The following LRFN5 variants were observed in gnomAD, a reference collection of about 807,000 sequenced individuals.
The protein encoded by LRFN5 is leucine-rich repeat and fibronectin type-III domain-containing protein 5.
In LRFN5, 24 loss-of-function variants were observed where a neutral mutation model predicts 45.6. The ratio of observed to expected loss-of-function variants is 0.53; its 90% CI spans 0.38 to 0.74. LRFN5 has a LOEUF of 0.74. Ranked by LOEUF, LRFN5 falls within the 30% of genes least tolerant of loss-of-function variation. The pLI is 0.00. For missense variants in LRFN5, 776 were observed against 861.5 expected (o/e 0.90, Z 1.24); for synonymous variants, 340 against 313.8 (o/e 1.08, Z -0.88).
intron 1 of LRFN5, among the ~76,000 whole-genome samples, chr14:41,663,181 A>G (rs1300336177): frequency 6.6e-6 from 1 of 152,134 alleles, no homozygotes; most frequent in South Asian, 2.1e-4. Flanking sequence ...TGTTAGGCCA[A>G]GGGGCGTAGC....
At chr14:41,713,689 T>G (rs1403002010) in intron 1 of LRFN5, among the ~76,000 whole-genome samples, 2 of 152,138 alleles carry the variant, frequency 1.3e-5, no homozygotes, top group Admixed American at 6.6e-5. Flanking sequence ...CCATTTCAAA[T>G]ATACCATATT....
At chr14:41,896,346 GA>G (rs1168536820) in intron 4 of LRFN5, among the ~76,000 whole-genome samples, 2 of 152,142 alleles carry the variant, frequency 1.3e-5, no homozygotes, top group African/African-American at 4.8e-5. Context: ...TAGACAGAAT[GA>G]AGACTATCTA....
At chr14:41,735,879 G>C (rs577057929) in intron 1 of LRFN5, among the ~76,000 whole-genome samples, 21 of 152,102 alleles carry the variant, frequency 1.4e-4, no homozygotes, top group Middle Eastern at 3.4e-3. Context: ...TCCTGTGTTA[G>C]TTTGCTGAGA....
At chr14:41,867,353 T>A (rs1032977816) in intron 2 of LRFN5, among the ~76,000 whole-genome samples, 7 of 121,462 alleles carry the variant, frequency 5.8e-5, no homozygotes, top group African/African-American at 2.0e-4. Context: ...TGCACACATC[T>A]GTGTGTGTGT....
intron 1 of LRFN5, among the ~76,000 whole-genome samples, chr14:41,681,028 G>A (rs1881860712): frequency 6.6e-6 from 1 of 151,912 alleles, no homozygotes. Flanking sequence ...AGTAGAAGAA[G>A]GGATTAGCGA....
intron 1 of LRFN5, among the ~76,000 whole-genome samples, chr14:41,613,630 T>C (rs1396749128): frequency 1.3e-5 from 2 of 151,914 alleles, no homozygotes; most frequent in African/African-American, 4.8e-5. Context: ...TTTTAGATTT[T>C]ACAAGAATAA....
At chr14:41,819,599 C>T (rs1039156299) in intron 2 of LRFN5, among the ~76,000 whole-genome samples, 1 of 152,030 alleles carries the variant, frequency 6.6e-6, no homozygotes, top group African/African-American at 2.4e-5. Flanking sequence ...GGGGAGGTCT[C>T]AGGGAGCTTT....
chr14:41,887,235 T>A lies in LRFN5; in HGVS notation c.610T>A (p.Ser204Thr). 1 of 1,614,154 alleles carries A rather than the reference T, an allele frequency of 6.2e-7. No homozygotes were observed. The highest frequency in any genetic ancestry group is 8.5e-7 in the Non-Finnish European group (1 of 1,180,024). ...LHKMTRLDVT[S>T]NKLQKLPPDP... ...CAAGATGACTCGGTTAGATGTGACATCAAATAAATTGCAGAAGCTACCACC... is the reference window on the plus strand; with the variant it reads ...CAAGATGACTCGGTTAGATGTGACAACAAATAAATTGCAGAAGCTACCACC... Residue 204 changes from serine (S) to threonine (T), a missense_variant, in exon 3 of 6, where the codon TCA becomes ACA. Ser to Thr is a moderately conservative substitution (Grantham distance 58). This residue lies in a region of LRFN5 where 311 missense variants were observed against 405.1 expected (regional missense o/e 0.77). Coordinates refer to ENST00000298119, the MANE Select transcript of LRFN5 (RefSeq NM_152447.5). The surrounding 1 kb of genome is among the most constrained non-coding windows in gnomAD (Gnocchi z 4.8).
At chr14:41,745,717 G>C (rs991507020) in intron 1 of LRFN5, among the ~76,000 whole-genome samples, 3 of 151,806 alleles carry the variant, frequency 2.0e-5, no homozygotes, top group Admixed American at 6.6e-5. Context: ...GAAATAAAAA[G>C]GATTACGAAA....
chr14:41,872,633 A>T (rs1361329958), intron 2 of LRFN5, among the ~76,000 whole-genome samples: 1 of 152,132 alleles, frequency 6.6e-6, no homozygotes, highest in Non-Finnish European at 1.5e-5. Flanking sequence ...ATTATATTCG[A>T]ACTGTAATTT....
rs145584772 is a variant in LRFN5, at chr14:41,733,347, A to G, written c.-196-33507A>G. ...GGAGAAGCCTGCTTATCATATGCAAACGATACTAATAAGTAACTTTGGAGG... is the reference window on the plus strand; with the variant it reads ...GGAGAAGCCTGCTTATCATATGCAAGCGATACTAATAAGTAACTTTGGAGG... On this transcript the variant is annotated intron_variant, in intron 1 of 5. Transcript: ENST00000298119. 2.6e-5 allele frequency: 4 copies of G among 152,280 alleles called. No individual in the cohort carries two copies. In the East Asian group the frequency reaches 5.8e-4, roughly 22 times the overall value. 9.4% of individuals were successfully genotyped at this position (152,280 alleles called of 1,614,324 possible).
chr14:41,858,114 G>A (rs981431595), intron 2 of LRFN5, among the ~76,000 whole-genome samples: 7 of 152,192 alleles, frequency 4.6e-5, no homozygotes, highest in South Asian at 2.1e-4. Flanking sequence ...AAACATTAAC[G>A]TATGGAGCCA....
chr14:41,904,343 C>G lies in LRFN5; in HGVS notation c.*168C>G. 1 of 726,970 alleles carries G rather than the reference C, an allele frequency of 1.4e-6. No homozygotes were observed. The highest frequency in any genetic ancestry group is 2.2e-6 in the Non-Finnish European group (1 of 446,078). 45.0% of individuals were successfully genotyped at this position (726,970 alleles called of 1,614,324 possible). ...GTCTCTGATGACGGCGGAACTGGCT[C>G]CATTAGACCATGGTTCATCCTCTTT... On this transcript the variant is annotated 3_prime_UTR_variant, in exon 6 of 6. Transcript: ENST00000298119.
chr14:41,789,453 G>A (rs542608674), intron 2 of LRFN5, among the ~76,000 whole-genome samples: 87 of 152,072 alleles, frequency 5.7e-4, no homozygotes, highest in African/African-American at 1.6e-3. Flanking sequence ...AATCCAACTA[G>A]AATTTGAATG....
At chr14:41,669,929 A>G (rs1172145381) in intron 1 of LRFN5, among the ~76,000 whole-genome samples, 3 of 132,350 alleles carry the variant, frequency 2.3e-5, no homozygotes, top group Admixed American at 7.3e-5. Context: ...TTCAAGCTAT[A>G]TAGTTAAATA....
At chr14:41,673,158 C>A (rs977057065) in intron 1 of LRFN5, among the ~76,000 whole-genome samples, 1 of 152,128 alleles carries the variant, frequency 6.6e-6, no homozygotes, top group East Asian at 1.9e-4. Context: ...TCAATCTTTT[C>A]CCCGCCTTTC....
intron 2 of LRFN5, among the ~76,000 whole-genome samples, chr14:41,862,538 C>T (rs1483628620): frequency 6.6e-6 from 1 of 151,958 alleles, no homozygotes; most frequent in African/African-American, 2.4e-5. Flanking sequence ...TCTTTTAGTG[C>T]CTATGAGCAT....
chr14:41,684,534 G>A (rs548016813), intron 1 of LRFN5, among the ~76,000 whole-genome samples: 1 of 152,126 alleles, frequency 6.6e-6, no homozygotes, highest in African/African-American at 2.4e-5. Context: ...GGAAACCACC[G>A]CCATAATTGA....
intron 2 of LRFN5, among the ~76,000 whole-genome samples, chr14:41,853,612 A>G (rs1352086801): frequency 1.3e-5 from 2 of 152,098 alleles, no homozygotes; most frequent in Non-Finnish European, 2.9e-5. Context: ...AGATATTATT[A>G]AACATCTAAA....
Sources: allele counts gnomAD v4.1 joint callset (sites outside exome capture counted in the v4.1 genomes callset), GRCh38; gene constraint gnomAD v4.1.1; regional missense constraint gnomAD v4.1.1; non-coding constraint Gnocchi (gnomAD v3.1); transcripts MANE v1.5; gene names NCBI Gene and HGNC (gene_info 2026-07-23, HGNC 2026-07-21).